KCNQ1: variants seen among roughly 807,000 people sequenced by gnomAD.
KCNQ1 encodes potassium voltage-gated channel subfamily KQT member 1.
KCNQ1 carries 49 observed loss-of-function variants against 72.4 expected under a neutral mutation model. That is an observed-to-expected ratio of 0.68 (90% CI 0.54 to 0.86). KCNQ1 has a LOEUF of 0.86. Ranked by LOEUF, KCNQ1 falls within the 40% of genes least tolerant of loss-of-function variation. The pLI, the probability that KCNQ1 is intolerant of heterozygous loss-of-function variation, is 0.00. For missense variants in KCNQ1, 790 were observed against 945.1 expected (o/e 0.84, Z 2.15); for synonymous variants, 450 against 412.6 (o/e 1.09, Z -1.10).
intron 15 of KCNQ1, among the ~76,000 whole-genome samples, chr11:2,789,952 G>C (rs559884652): frequency 7.9e-5 from 12 of 152,258 alleles, no homozygotes; most frequent in African/African-American, 2.9e-4. Context: ...GCTCCTCTCT[G>C]TGCCACCCAT....
intron 1 of KCNQ1, among the ~76,000 whole-genome samples, chr11:2,459,195 G>T (rs561674591): frequency 1.3e-5 from 2 of 152,352 alleles, no homozygotes; most frequent in African/African-American, 4.8e-5. Flanking sequence ...CTTGGGACGC[G>T]GTGGTGGGGA....
chr11:2,527,921 C>T lies in KCNQ1; in HGVS notation c.387-7C>T, dbSNP rs201682200. The T allele has an allele frequency of 8.2e-5, 132 of 1,613,642 alleles. No individual in the cohort carries two copies. The highest frequency in any genetic ancestry group is 7.6e-6 in the Non-Finnish European group (9 of 1,179,724). Reference sequence around the variant, plus strand: ...GTGATGCTGACTGCCGTGTCCCTGTCTTGCAGCTTCCTCATCGTCCTGGTC... The same window carrying T: ...GTGATGCTGACTGCCGTGTCCCTGTTTTGCAGCTTCCTCATCGTCCTGGTC... On this transcript the variant is annotated splice_polypyrimidine_tract_variant and splice_region_variant and intron_variant, in intron 1 of 15. Coordinates refer to ENST00000155840, the MANE Select transcript of KCNQ1 (RefSeq NM_000218.3).
At position 2,673,329 on chromosome 11, in the gene KCNQ1, T is replaced by G. The variant is rs1293028244; in HGVS notation, c.1514+11248T>G. ...AATCCCACAGGCTACCAGGCCAGCTTTTGGAAACAGTCTCATTAGCAAACA... is the reference window on the plus strand; with the variant it reads ...AATCCCACAGGCTACCAGGCCAGCTGTTGGAAACAGTCTCATTAGCAAACA... On this transcript the variant is annotated intron_variant, in intron 11 of 15. Transcript: ENST00000155840. This position sits in a 1 kb window ranked among gnomAD's most constrained non-coding sequence, Gnocchi z 4.5. The G allele has an allele frequency of 5.0e-6, 2 of 398,594 alleles. No individual in the cohort carries two copies. Among genetic ancestry groups the G allele is most frequent in the Non-Finnish European group, 8.8e-6 (2 of 226,156 alleles). The allele number at this position is 398,594 out of a possible 1,614,324, so 24.7% of individuals were successfully genotyped here.
At chr11:2,454,099 CAG>C (rs1846151228) in intron 1 of KCNQ1, among the ~76,000 whole-genome samples, 1 of 151,746 alleles carries the variant, frequency 6.6e-6, no homozygotes, top group African/African-American at 2.4e-5. Flanking sequence ...TGAAAAAGCA[CAG>C]TGAATAAAAA....
chr11:2,666,702 C>T, intron 11 of KCNQ1: 1 of 398,720 alleles, frequency 2.5e-6, no homozygotes, highest in Non-Finnish European at 4.4e-6. Context: ...TTGGAGACAT[C>T]CAGGTCCACT....
At chr11:2,726,045 A>C (rs1262355438) in intron 11 of KCNQ1, among the ~76,000 whole-genome samples, 1 of 152,228 alleles carries the variant, frequency 6.6e-6, no homozygotes, top group Non-Finnish European at 1.5e-5. Flanking sequence ...TCACTCCGGC[A>C]GAGAAGGGGC....
rs537422375 is a variant in KCNQ1 at position 2,767,322 on chromosome 11, A to G, written c.1515-1522A>G. Among the ~76,000 whole-genome samples, 4 of 152,264 alleles carry G rather than the reference A, an allele frequency of 2.6e-5. No homozygotes were observed. In the South Asian group the frequency reaches 8.3e-4, roughly 32 times the overall value. On this transcript the variant is annotated intron_variant, in intron 11 of 15. Coordinates refer to ENST00000155840, the MANE Select transcript of KCNQ1 (RefSeq NM_000218.3). The surrounding 1 kb of genome is among the most constrained non-coding windows in gnomAD (Gnocchi z 4.6). The stretch of plus-strand genomic sequence containing the variant: ...AATCAGCAAGCTTGTTTGCAGGGCC[A>G]CATTCCAAAAGGACATGAATTATAT...
Position 2,617,534 on chromosome 11 carries a change from A to C in KCNQ1, c.1393+28680A>C. ...TGCCACAATGAATATAGGAGCGCAG[A>C]TATCTTTATGAGGTGGAGATTTCAT... On this transcript the variant is annotated intron_variant, in intron 10 of 15. Coordinates refer to ENST00000155840, the MANE Select transcript of KCNQ1 (RefSeq NM_000218.3). This position sits in a 1 kb window ranked among gnomAD's most constrained non-coding sequence, Gnocchi z 4.6. 1 of 398,506 alleles carries C rather than the reference A, an allele frequency of 2.5e-6. No homozygotes were observed. The highest frequency in any genetic ancestry group is 4.4e-6 in the Non-Finnish European group (1 of 225,976). The allele number at this position is 398,506 out of a possible 1,614,324, so 24.7% of individuals were successfully genotyped here.
intron 11 of KCNQ1, among the ~76,000 whole-genome samples, chr11:2,737,743 T>C (rs1845983082): frequency 6.6e-6 from 1 of 152,142 alleles, no homozygotes. Context: ...AAGTCCCTAT[T>C]AATGCCATGT....
At chr11:2,609,518 CTA>C in intron 10 of KCNQ1, 4 of 398,334 alleles carry the variant, frequency 1.0e-5, no homozygotes, top group Non-Finnish European at 1.8e-5. Flanking sequence ...GCGAAGTGCT[CTA>C]TAATTACCTT....
Position 2,750,569 on chromosome 11 carries a change from A to G in KCNQ1, c.1515-18275A>G, listed in dbSNP as rs1046329925. 2.0e-5 allele frequency among the ~76,000 whole-genome samples: 3 copies of G among 152,158 alleles called. No individual in the cohort carries two copies. Among genetic ancestry groups the G allele is most frequent in the Admixed American group, 6.5e-5 (1 of 15,278 alleles). On this transcript the variant is annotated intron_variant, in intron 11 of 15. Transcript: ENST00000155840. The surrounding 1 kb of genome is among the most constrained non-coding windows in gnomAD (Gnocchi z 6.3). The stretch of plus-strand genomic sequence containing the variant: ...CCCTGGCTGGACCAGTTGCTTTGCA[A>G]TTCACAAGGCTTTGGAAGGCAGTGC...
intron 1 of KCNQ1, among the ~76,000 whole-genome samples, chr11:2,523,590 T>C (rs1346872245): frequency 1.3e-5 from 2 of 152,072 alleles, no homozygotes; most frequent in South Asian, 2.1e-4. Flanking sequence ...CGAAAAGCCG[T>C]GATGGCAGAT....
chr11:2,470,157 G>C (rs938096054), intron 1 of KCNQ1, among the ~76,000 whole-genome samples: 8 of 152,178 alleles, frequency 5.3e-5, no homozygotes, highest in African/African-American at 1.9e-4. Flanking sequence ...GCTGGGGTCT[G>C]GCTATGTCGC....
Position 2,663,401 on chromosome 11 carries a change from A to T in KCNQ1, c.1514+1320A>T. On this transcript the variant is annotated intron_variant, in intron 11 of 15. Coordinates refer to ENST00000155840, the MANE Select transcript of KCNQ1 (RefSeq NM_000218.3). The surrounding 1 kb of genome is among the most constrained non-coding windows in gnomAD (Gnocchi z 5.2). ...GCACCAGAAGGCAGAATGATGGCTT[A>T]CACTGTGGCCAAGGCCTGTACCAAG... 1 of 398,918 alleles carries T rather than the reference A, an allele frequency of 2.5e-6. No homozygotes were observed. Among genetic ancestry groups the T allele is most frequent in the Non-Finnish European group, 4.4e-6 (1 of 226,278 alleles). The allele number at this position is 398,918 out of a possible 1,614,324, so 24.7% of individuals were successfully genotyped here. A position where few individuals can be genotyped will look rare whatever the true frequency, so the allele number is the denominator to read the frequency against.
Position 2,767,103 on chromosome 11 carries a change from G to T in KCNQ1, c.1515-1741G>T, listed in dbSNP as rs1160146847. ...AAATCACTTGAACCCGGGAGGCGGA[G>T]GCTGCAGTGAGCCGAGGTTGTGCCA... is the stretch of plus-strand genomic sequence containing the variant. On this transcript the variant is annotated intron_variant, in intron 11 of 15. Coordinates refer to ENST00000155840, the MANE Select transcript of KCNQ1 (RefSeq NM_000218.3). The surrounding 1 kb of genome is among the most constrained non-coding windows in gnomAD (Gnocchi z 4.6). 1.3e-5 allele frequency among the ~76,000 whole-genome samples: 2 copies of T among 152,226 alleles called. No individual in the cohort carries two copies. The highest frequency in any genetic ancestry group is 4.8e-5 in the African/African-American group (2 of 41,454).
rs1486098452 is a variant in KCNQ1 at position 2,776,884 on chromosome 11, A to G, written c.1686-102A>G. On this transcript the variant is annotated intron_variant, in intron 13 of 15. Coordinates refer to ENST00000155840, the MANE Select transcript of KCNQ1 (RefSeq NM_000218.3). ...TGTCCCCAGAGTGGGTGGACAGTCC[A>G]CTGTCTTGCCGGGCACGTCAAGCTG... 1.2e-5 allele frequency: 14 copies of G among 1,178,622 alleles called. No individual in the cohort carries two copies. In the South Asian group the frequency reaches 1.4e-4, roughly 12 times the overall value. The allele number at this position is 1,178,622 out of a possible 1,614,324, so 73.0% of individuals were successfully genotyped here.
rs928135337 is a variant in KCNQ1, at chr11:2,748,021, G to A, written c.1515-20823G>A. 2.0e-5 allele frequency among the ~76,000 whole-genome samples: 3 copies of A among 152,144 alleles called. No individual in the cohort carries two copies. The highest frequency in any genetic ancestry group is 2.1e-4 in the South Asian group (1 of 4,828). Reference sequence around the variant, plus strand: ...AGAATACTTCAAGAAGACCACTCGGGCCTAGGGCTCTGCAAGCAATATCTG... The same window carrying A: ...AGAATACTTCAAGAAGACCACTCGGACCTAGGGCTCTGCAAGCAATATCTG... On this transcript the variant is annotated intron_variant, in intron 11 of 15. Transcript: ENST00000155840. The surrounding 1 kb of genome is among the most constrained non-coding windows in gnomAD (Gnocchi z 6.2).
chr11:2,688,267 T>G (rs1175861030), intron 11 of KCNQ1: 3 of 398,602 alleles, frequency 7.5e-6, no homozygotes, highest in African/African-American at 6.2e-5. Flanking sequence ...GGAGGCGCCA[T>G]GACCTCTGTT....
At chr11:2,780,537 C>T (rs541078927) in intron 15 of KCNQ1, among the ~76,000 whole-genome samples, 8 of 152,196 alleles carry the variant, frequency 5.3e-5, no homozygotes, top group Non-Finnish European at 7.4e-5. Context: ...GGCTGCCTGC[C>T]GGAAGGGAGT....
Sources: gnomAD v4.1 joint callset for allele counts (sites outside exome capture counted in the v4.1 genomes callset) on GRCh38, gnomAD v4.1.1 for gene constraint, Gnocchi (gnomAD v3.1) non-coding constraint, MANE v1.5 for transcripts, NCBI Gene and HGNC (gene_info 2026-07-23, HGNC 2026-07-21) for gene names.